Variants in ADGB observed in about 807,000 individuals in gnomAD.
The protein encoded by ADGB is calpain-7-like protein.
In ADGB, 172 loss-of-function variants were observed where a neutral mutation model predicts 210.5. The ratio of observed to expected loss-of-function variants is 0.82; its 90% CI spans 0.72 to 0.93. The LOEUF (loss-of-function observed/expected upper bound fraction) is 0.93. Ranked by LOEUF, ADGB falls within the 40% of genes least tolerant of loss-of-function variation. ADGB has a pLI of 0.00. For missense variants in ADGB, 2,025 were observed against 1,964.8 expected, an observed-to-expected ratio of 1.03 and a Z score of -0.58; for synonymous variants, 658 against 662.7, an observed-to-expected ratio of 0.99 and a Z score of 0.11.
intron 19 of ADGB, among the ~76,000 whole-genome samples, chr6:146,726,632 C>A (rs1327189803): frequency 6.6e-6 from 1 of 152,184 alleles, no homozygotes; most frequent in Non-Finnish European, 1.5e-5. Context: ...GTATACTCTG[C>A]AAGAAATCCC....
intron 12 of ADGB, among the ~76,000 whole-genome samples, chr6:146,693,930 A>C (rs561528021): frequency 5.3e-5 from 8 of 152,216 alleles, no homozygotes; most frequent in Admixed American, 3.3e-4. Context: ...ACCTCATCAA[A>C]ATGGCCTTTA....
intron 33 of ADGB, among the ~76,000 whole-genome samples, chr6:146,797,356 C>T (rs1778059953): frequency 6.6e-6 from 1 of 152,040 alleles, no homozygotes; most frequent in African/African-American, 2.4e-5. Context: ...GGTACCTACC[C>T]AAAGGAAAAG....
chr6:146,712,285 A>G lies in ADGB; in HGVS notation c.1708-3097A>G, dbSNP rs1776669461. Among the ~76,000 whole-genome samples the G allele has an allele frequency of 3.3e-5, 5 of 152,098 alleles. No individual in the cohort carries two copies. In the South Asian group the frequency reaches 1.0e-3, roughly 32 times the overall value. ...CTGAAACCTCCACCTCCCAGGTTCA[A>G]GTGATTCTCCTGCCTCAGCCTCCCA... On this transcript the variant is annotated intron_variant, in intron 13 of 35. Coordinates refer to ENST00000397944, the MANE Select transcript of ADGB (RefSeq NM_024694.4).
chr6:146,802,107 A>G, intron 35 of ADGB, 96 bp downstream of exon 35: 1 of 901,294 alleles, frequency 1.1e-6, no homozygotes. Context: ...GTATAGAAAT[A>G]AGTCTTGAAA....
intron 35 of ADGB, among the ~76,000 whole-genome samples, chr6:146,814,338 C>G (rs1778349850): frequency 6.6e-6 from 1 of 152,114 alleles, no homozygotes; most frequent in South Asian, 2.1e-4. Context: ...ATTAATTTGG[C>G]CACTTCCCTT....
At chr6:146,803,046 A>G (rs2114667120) in intron 35 of ADGB, 3 of 1,576,698 alleles carry the variant, frequency 1.9e-6, no homozygotes, top group East Asian at 2.2e-5. Flanking sequence ...CTTTACTAGA[A>G]GCAACAAGTC....
intron 12 of ADGB, among the ~76,000 whole-genome samples, chr6:146,699,553 G>A (rs968384747): frequency 2.6e-5 from 4 of 152,014 alleles, no homozygotes; most frequent in South Asian, 2.1e-4. Context: ...TCAATCCACC[G>A]ACTCGCACGC....
Position 146,654,140 on chromosome 6 carries a change from A to G in ADGB, c.336A>G (p.Pro112=), listed in dbSNP as rs546799770. ...RPQDILFSQT[P]VVVKNEITFD... is the part of the protein sequence containing the mutation. ...TACATATATATTTTTTTCAGACTCC[A>G]GTAGTTGTGAAAAATGAAATCACGT... The change falls in exon 4 of 36, where the codon CCA becomes CCG. Residue 112 remains proline (P), a synonymous_variant. Transcript: ENST00000397944. 2.2e-5 allele frequency: 34 copies of G among 1,530,452 alleles called. No individual in the cohort carries two copies. The African/African-American group carries it at 2.5e-4, about 11-fold the overall frequency. The allele number at this position is 1,530,452 out of a possible 1,614,324, so 94.8% of individuals were successfully genotyped here.
chr6:146,698,846 T>C (rs1776447183), intron 12 of ADGB, among the ~76,000 whole-genome samples: 1 of 152,068 alleles, frequency 6.6e-6, no homozygotes, highest in African/African-American at 2.4e-5. Flanking sequence ...CCTCAGTCTC[T>C]TGAGTAGCTG....
chr6:146,806,698 T>C lies in ADGB; in HGVS notation c.4818+4687T>C, dbSNP rs554908553. 6.6e-5 allele frequency among the ~76,000 whole-genome samples: 10 copies of C among 152,356 alleles called. No individual in the cohort carries two copies. The South Asian group carries it at 1.9e-3, about 28-fold the overall frequency. On this transcript the variant is annotated intron_variant, in intron 35 of 35. Transcript: ENST00000397944. ...CTTTAATCCTTATTCTTTGATTATA[T>C]TACTTTTGAAACAGTAAGCAATTCA...
At chr6:146,697,455 G>C (rs1443752527) in intron 12 of ADGB, among the ~76,000 whole-genome samples, 1 of 152,106 alleles carries the variant, frequency 6.6e-6, no homozygotes, top group Non-Finnish European at 1.5e-5. Context: ...AGTATGTAAA[G>C]TGGTTTAAAA....
intron 35 of ADGB, among the ~76,000 whole-genome samples, chr6:146,805,691 A>G (rs1778201929): frequency 6.6e-6 from 1 of 152,070 alleles, no homozygotes; most frequent in Non-Finnish European, 1.5e-5. Context: ...TTCCTGGAAT[A>G]TTCTTTCCCC....
intron 13 of ADGB, 47 bp downstream of exon 13, chr6:146,701,117 A>AT: frequency 6.5e-7 from 1 of 1,540,278 alleles, no homozygotes. Context: ...ATGAGACAAG[A>AT]TTTTTTTCCT....
chr6:146,719,573 C>T (rs1776786406), intron 16 of ADGB, among the ~76,000 whole-genome samples: 1 of 152,132 alleles, frequency 6.6e-6, no homozygotes, highest in South Asian at 2.1e-4. Context: ...TAGTGGCCTG[C>T]CGAGCTGGGG....
At chr6:146,720,403 T>G (rs1173390242) in intron 16 of ADGB, among the ~76,000 whole-genome samples, 4 of 152,174 alleles carry the variant, frequency 2.6e-5, no homozygotes, top group Admixed American at 6.5e-5. Context: ...AGTACCCATA[T>G]AGGATGAACC....
At position 146,803,664 on chromosome 6, in the gene ADGB, T is replaced by TA. The variant is rs1365974193; in HGVS notation, c.4818+1654dup. 3.1e-6 allele frequency: 4 copies of TA among 1,291,796 alleles called. No homozygotes were observed. The African/African-American group carries it at 5.9e-5, about 19-fold the overall frequency. The allele number at this position is 1,291,796 out of a possible 1,614,324, so 80.0% of individuals were successfully genotyped here. On this transcript the variant is annotated intron_variant, in intron 35 of 35. Transcript: ENST00000397944. ...AGATCAATGAAATGATCCTCAATCT[T>TA]ATTACAAAAGTTCCGTTTTTTAACA... is the stretch of plus-strand genomic sequence containing the variant.
Position 146,717,537 on chromosome 6 carries a change from AAT to A in ADGB, c.1939_1940del (p.Ile647PhefsTer10), listed in dbSNP as rs1408507622. On this transcript the variant is annotated frameshift_variant and splice_region_variant, in exon 16 of 36. Transcript: ENST00000397944. LOFTEE classifies it high-confidence loss of function. ...DFEDFCVCFQ[N>X]IYIFHKPSSY... ...CTGTTAAAAATGTCTTTCTTTCAGA[AAT>A]ATATATATTTTCCACAAGCCAAGTT... The A allele has an allele frequency of 1.5e-6, 2 of 1,377,626 alleles. No homozygotes were observed. The highest frequency in any genetic ancestry group is 9.9e-7 in the Non-Finnish European group (1 of 1,009,022). 85.3% of individuals were successfully genotyped at this position (1,377,626 alleles called of 1,614,324 possible).
chr6:146,749,511 G>A (rs962288731), intron 26 of ADGB, among the ~76,000 whole-genome samples: 6 of 152,086 alleles, frequency 3.9e-5, no homozygotes, highest in African/African-American at 1.4e-4. Flanking sequence ...AAAGGAGGAG[G>A]AAATCAGGGT....
intron 1 of ADGB, among the ~76,000 whole-genome samples, chr6:146,608,407 C>A (rs1254253404): frequency 6.6e-6 from 1 of 151,912 alleles, no homozygotes. Context: ...ATTTCTTCCC[C>A]CTTCTAGCTT....
Sources: gnomAD v4.1 joint callset for allele counts (sites outside exome capture counted in the v4.1 genomes callset) on GRCh38, gnomAD v4.1.1 for gene constraint, MANE v1.5 for transcripts, NCBI Gene and HGNC (gene_info 2026-07-23, HGNC 2026-07-21) for gene names.